ZBTB5: variants seen among roughly 807,000 people sequenced by gnomAD.
ZBTB5 encodes zinc finger and BTB domain-containing protein 5.
ZBTB5 carries 15 observed loss-of-function variants against 37.9 expected under a neutral mutation model. The observed-to-expected ratio is 0.40, with a 90% CI of 0.26 to 0.61. ZBTB5 has a LOEUF of 0.61. Among genes scored for constraint, ZBTB5 ranks in the 20% least tolerant of loss-of-function variants. The pLI, the probability that ZBTB5 is intolerant of heterozygous loss-of-function variation, is 0.47. For synonymous variants in ZBTB5, 315 were observed against 312.4 expected (o/e 1.01, Z -0.09); for missense variants, 708 against 856.8 (o/e 0.83, Z 2.17).
chr9:37,456,449 T>A (rs933185639), intron 1 of ZBTB5, among the ~76,000 whole-genome samples: 10 of 152,236 alleles, frequency 6.6e-5, no homozygotes, highest in Non-Finnish European at 1.2e-4. Context: ...TTCTGCTCTG[T>A]CAGGGTTGGC....
At chr9:37,449,497 C>T (rs1006225782) in intron 1 of ZBTB5, among the ~76,000 whole-genome samples, 8 of 151,656 alleles carry the variant, frequency 5.3e-5, no homozygotes, top group East Asian at 1.9e-4. Flanking sequence ...CAGGAGTTTG[C>T]GACCAGCTTG....
At chr9:37,444,943 G>A (rs1823948290) in intron 1 of ZBTB5, among the ~76,000 whole-genome samples, 1 of 152,096 alleles carries the variant, frequency 6.6e-6, no homozygotes, top group African/African-American at 2.4e-5. Context: ...GGACTCCAAG[G>A]AGTGGGTCTC....
intron 1 of ZBTB5, among the ~76,000 whole-genome samples, chr9:37,463,988 T>C (rs1588787114): frequency 6.6e-6 from 1 of 152,194 alleles, no homozygotes; most frequent in African/African-American, 2.4e-5. Context: ...GAGATTTCCA[T>C]AAGGGTTAAA....
chr9:37,441,987 G>T lies in ZBTB5; in HGVS notation c.565C>A (p.Arg189Ser). 2.5e-6 allele frequency: 4 copies of T among 1,613,852 alleles called. No homozygotes were observed. Among genetic ancestry groups the T allele is most frequent in the Non-Finnish European group, 3.4e-6 (4 of 1,180,036 alleles). Residue 189 changes from arginine (R) to serine (S), a missense_variant, in exon 2 of 2, where the codon CGC (arginine) becomes AGC (serine). By Grantham distance (110) the Arg-to-Ser change is moderately radical (BLOSUM62 -1). Coordinates refer to ENST00000307750, the MANE Select transcript of ZBTB5 (RefSeq NM_014872.3). ...LDQRTPFPMR[R>S]LHKRKQSAEE... ...GCAGACTGCTTGCGCTTATGAAGGC[G>T]TCTCATGGGGAAGGGCGTGCGCTGA...
rs949931920 is a variant in ZBTB5, at chr9:37,440,526, A to G, written c.2026T>C (p.Leu676=). ...CTTGTAAGGACAAACAGCTAGAGCA[A>G]AGTGCTGGGAAGATTGCTGCTCTGC... is the stretch of plus-strand genomic sequence containing the variant. ...RWQSSNLPST[L]L The change falls in exon 2 of 2, where the codon TTG becomes CTG. Residue 676 remains leucine, a synonymous_variant. Coordinates refer to ENST00000307750, the MANE Select transcript of ZBTB5 (RefSeq NM_014872.3). The G allele has an allele frequency of 6.2e-7, 1 of 1,613,814 alleles. No homozygotes were observed.
intron 1 of ZBTB5, among the ~76,000 whole-genome samples, chr9:37,458,462 T>C (rs1206858357): frequency 6.6e-6 from 1 of 152,224 alleles, no homozygotes; most frequent in Non-Finnish European, 1.5e-5. Context: ...AAAGAACGAA[T>C]GACAAACTAT....
In ZBTB5 at chr9:37,440,269, C is replaced by T. The variant is rs1823836257; in HGVS notation, c.*249G>A. 2.1e-6 allele frequency: 1 copy of T among 474,132 alleles called. No homozygotes were observed. The highest frequency in any genetic ancestry group is 3.7e-6 in the Non-Finnish European group (1 of 269,054). The allele number at this position is 474,132 out of a possible 1,614,324, so 29.4% of individuals were successfully genotyped here. On this transcript the variant is annotated 3_prime_UTR_variant, in exon 2 of 2. Coordinates refer to ENST00000307750, the MANE Select transcript of ZBTB5 (RefSeq NM_014872.3). ...CACTTTTAATATCAATTACAAACTA[C>T]TTTCTGACTGCATTACTCAACCCCA...
chr9:37,459,175 G>A (rs539103027), intron 1 of ZBTB5, among the ~76,000 whole-genome samples: 1 of 152,276 alleles, frequency 6.6e-6, no homozygotes, highest in African/African-American at 2.4e-5. Context: ...CAGGGCATGG[G>A]CATGCCAGCC....
chr9:37,441,544 T>G lies in ZBTB5; in HGVS notation c.1008A>C (p.Ser336=). 1 of 1,612,910 alleles carries G rather than the reference T, an allele frequency of 6.2e-7. No individual in the cohort carries two copies. The highest frequency in any genetic ancestry group is 1.1e-5 in the South Asian group (1 of 91,022). The change falls in exon 2 of 2, where the codon TCA becomes TCC. Residue 336 remains serine, a synonymous_variant. Transcript: ENST00000307750. ...RVVVKSEPLS[S]PEPQDEVSDV... ...CGCTCACTTCATCCTGAGGCTCAGGTGAGCTCAGGGGCTCAGATTTAACCA... is the reference window on the plus strand; with the variant it reads ...CGCTCACTTCATCCTGAGGCTCAGGGGAGCTCAGGGGCTCAGATTTAACCA...
At chr9:37,453,768 T>C (rs1300588668) in intron 1 of ZBTB5, among the ~76,000 whole-genome samples, 1 of 152,202 alleles carries the variant, frequency 6.6e-6, no homozygotes, top group Non-Finnish European at 1.5e-5. Context: ...CACTTGGGTA[T>C]GTGACCCAAG....
chr9:37,445,050 TA>T lies in ZBTB5; in HGVS notation c.-4-2496del, dbSNP rs367824833. Reference sequence around the variant, plus strand: ...CTATCCAAGTGTGCAGATAGGTCATTAAAAAAAACAAGAAGTTTTTAAATGG... The same window carrying T: ...CTATCCAAGTGTGCAGATAGGTCATTAAAAAAACAAGAAGTTTTTAAATGG... On this transcript the variant is annotated intron_variant, in intron 1 of 1. Coordinates refer to ENST00000307750, the MANE Select transcript of ZBTB5 (RefSeq NM_014872.3). Among the ~76,000 whole-genome samples the T allele has an allele frequency of 4.9e-3, 732 of 149,350 alleles. 15 individuals carry two copies. Among genetic ancestry groups the T allele is most frequent in the African/African-American group, 0.016 (663 of 40,468 alleles).
intron 1 of ZBTB5, among the ~76,000 whole-genome samples, chr9:37,461,296 A>G (rs1201154727): frequency 1.3e-5 from 2 of 152,230 alleles, no homozygotes; most frequent in African/African-American, 4.8e-5. Context: ...AAAGCCTTGT[A>G]TTTTTAGAGG....
intron 1 of ZBTB5, among the ~76,000 whole-genome samples, chr9:37,449,498 G>A (rs1453252624): frequency 6.6e-6 from 1 of 151,958 alleles, no homozygotes; most frequent in East Asian, 1.9e-4. Context: ...AGGAGTTTGC[G>A]ACCAGCTTGG....
chr9:37,448,173 C>T (rs1272129242), intron 1 of ZBTB5, among the ~76,000 whole-genome samples: 1 of 151,856 alleles, frequency 6.6e-6, no homozygotes, highest in Non-Finnish European at 1.5e-5. Flanking sequence ...AATCTTTTAA[C>T]TTCCCATCAG....
intron 1 of ZBTB5, among the ~76,000 whole-genome samples, chr9:37,458,866 T>C (rs549205162): frequency 6.6e-6 from 1 of 152,232 alleles, no homozygotes; most frequent in Non-Finnish European, 1.5e-5. Context: ...TGTATTTTAA[T>C]GCAACAGAAT....
intron 1 of ZBTB5, among the ~76,000 whole-genome samples, chr9:37,460,158 C>T (rs1824263821): frequency 6.6e-6 from 1 of 152,140 alleles, no homozygotes; most frequent in African/African-American, 2.4e-5. Context: ...ATTAGTCCAG[C>T]TAGGCACAGT....
At chr9:37,453,512 G>A (rs57071256) in intron 1 of ZBTB5, among the ~76,000 whole-genome samples, 2,075 of 152,236 alleles carry the variant, frequency 0.014, 46 homozygotes, top group African/African-American at 0.046. Context: ...TAACTGTAAC[G>A]GTGTGAAACT....
At position 37,441,092 on chromosome 9, in the gene ZBTB5, C is replaced by G; in HGVS notation, c.1460G>C (p.Gly487Ala). ...HFVRPMQEVM[G>A]LPCVQTSGYQ... ...GCCTGAAGTCTGCACACACGGCAGG[C>G]CCATCACCTCCTGCATAGGCCTGAC... The change falls in exon 2 of 2, where the codon GGC becomes GCC. Residue 487 changes from glycine to alanine, a missense_variant. Physicochemically the swap from Gly to Ala is moderately conservative, Grantham distance 60. Coordinates refer to ENST00000307750, the MANE Select transcript of ZBTB5 (RefSeq NM_014872.3). 1 of 1,614,118 alleles carries G rather than the reference C, an allele frequency of 6.2e-7. No homozygotes were observed. The highest frequency in any genetic ancestry group is 1.1e-5 in the South Asian group (1 of 91,080).
chr9:37,459,787 T>C (rs139172723), intron 1 of ZBTB5, among the ~76,000 whole-genome samples: 13 of 150,690 alleles, frequency 8.6e-5, no homozygotes, highest in African/African-American at 3.2e-4. Flanking sequence ...CTCGGCTCAC[T>C]GCAAGCTCTG....
Sources: gnomAD v4.1 joint callset for allele counts (sites outside exome capture counted in the v4.1 genomes callset) on GRCh38, gnomAD v4.1.1 for gene constraint, MANE v1.5 for transcripts, NCBI Gene and HGNC (gene_info 2026-07-23, HGNC 2026-07-21) for gene names.